The following ADORA2A variants were observed in gnomAD, a reference collection of about 807,000 sequenced individuals.
The protein encoded by ADORA2A is adenosine receptor A2a.
A neutral mutation model predicts 18.4 loss-of-function variants in ADORA2A; 11 were observed. The observed-to-expected ratio is 0.60, with a 90% CI of 0.38 to 0.99. ADORA2A has a LOEUF of 0.99. ADORA2A is among the 50% of genes least tolerant of loss of function. The pLI is 0.01. For synonymous variants in ADORA2A, 218 were observed against 237.3 expected (o/e 0.92, Z 0.75); for missense variants, 449 against 556.1 (o/e 0.81, Z 1.94).
chr22:24,425,922 G>C (rs2042914630), upstream of ADORA2A, among the ~76,000 whole-genome samples: 1 of 152,236 alleles, frequency 6.6e-6, no homozygotes, highest in South Asian at 2.1e-4. Context: ...GGGAGCAAGT[G>C]GGGGAAGGTT....
intron 2 of ADORA2A, 35 bp downstream of exon 2, chr22:24,433,771 T>G (rs201369603): frequency 1.4e-4 from 214 of 1,576,682 alleles, no homozygotes; most frequent in Non-Finnish European, 1.7e-4. Context: ...GTGCAAAGGC[T>G]GTTGGTGCCC....
At position 24,439,072 on chromosome 22, in the gene ADORA2A, C is replaced by CTT. The variant is rs3032740; in HGVS notation, c.333-1483_333-1482dup. 6.7e-3 allele frequency among the ~76,000 whole-genome samples: 492 copies of CTT among 73,064 alleles called. 79 individuals are homozygous for CTT. The highest frequency in any genetic ancestry group is 6.9e-3 in the Non-Finnish European group (258 of 37,262). 47.9% of individuals were successfully genotyped at this position (73,064 alleles called of 152,430 possible). On this transcript the variant is annotated intron_variant, in intron 2 of 2. Transcript: ENST00000337539. ...GTAGAGCACATCCTTCCCCTTGCAC[C>CTT]TTTTTTTTTTTTTTTTTTTTTTTTT...
intron 2 of ADORA2A, among the ~76,000 whole-genome samples, chr22:24,436,818 G>A (rs984628604): frequency 6.6e-6 from 1 of 152,164 alleles, no homozygotes; most frequent in African/African-American, 2.4e-5. Flanking sequence ...TCACTGGCAT[G>A]AGTGTGGGGG....
At position 24,441,595 on chromosome 22, in the gene ADORA2A, G is replaced by A; in HGVS notation, c.*106G>A. ...AGAGAGAGTGCCAGGAGACCCTGAG[G>A]GCAGCCGGTTCCTACTTTGGACTGA... On this transcript the variant is annotated 3_prime_UTR_variant, in exon 3 of 3. Transcript: ENST00000337539. The A allele has an allele frequency of 5.0e-6, 6 of 1,204,618 alleles. No homozygotes were observed. Among genetic ancestry groups the A allele is most frequent in the Non-Finnish European group, 6.6e-6 (6 of 914,662 alleles). 74.6% of individuals were successfully genotyped at this position (1,204,618 alleles called of 1,614,324 possible).
Position 24,440,914 on chromosome 22 carries a change from C to A in ADORA2A, c.664C>A (p.Arg222=). The A allele has an allele frequency of 6.2e-7, 1 of 1,614,166 alleles. No individual in the cohort carries two copies. Among genetic ancestry groups the A allele is most frequent in the African/African-American group, 1.3e-5 (1 of 75,020 alleles). The change falls in exon 3 of 3, where the codon CGG becomes AGG. Residue 222 remains arginine, a synonymous_variant. Transcript: ENST00000337539. The stretch of plus-strand genomic sequence containing the variant: ...CCAGCCTCTGCCGGGGGAGCGGGCA[C>A]GGTCCACACTGCAGAAGGAGGTCCA... ...ESQPLPGERA[R]STLQKEVHAA...
chr22:24,431,507 C>T (rs1231821453), intron 1 of ADORA2A: 2 of 456,702 alleles, frequency 4.4e-6, no homozygotes, highest in African/African-American at 4.0e-5. Context: ...GAACAGGGCT[C>T]AGGACCAGGA....
chr22:24,436,948 G>C (rs1474766037), intron 2 of ADORA2A, among the ~76,000 whole-genome samples: 1 of 152,132 alleles, frequency 6.6e-6, no homozygotes, highest in Non-Finnish European at 1.5e-5. Context: ...TGAACAGAGT[G>C]GGCAGGAAAG....
chr22:24,438,512 A>C (rs1027291126), intron 2 of ADORA2A: 1 of 152,096 alleles, frequency 6.6e-6, no homozygotes, highest in African/African-American at 2.4e-5. Flanking sequence ...GGCAATGCCA[A>C]CTCCCTGTTG....
intron 2 of ADORA2A, among the ~76,000 whole-genome samples, chr22:24,436,845 G>C (rs1372145428): frequency 2.0e-5 from 3 of 152,120 alleles, no homozygotes; most frequent in African/African-American, 4.8e-5. Flanking sequence ...TGTCAGGAGG[G>C]GGGCAAAGCC....
chr22:24,428,081 G>A (rs1443129560), intron 1 of ADORA2A, among the ~76,000 whole-genome samples: 2 of 152,234 alleles, frequency 1.3e-5, no homozygotes, highest in African/African-American at 2.4e-5. Context: ...CGGAGGTCAG[G>A]AGGGAAGTGG....
chr22:24,431,548 T>G (rs1432171670), intron 1 of ADORA2A: 1 of 455,392 alleles, frequency 2.2e-6, no homozygotes, highest in South Asian at 1.6e-5. Flanking sequence ...CCAGTCCTGC[T>G]CCATCCCTCA....
chr22:24,424,371 G>C (rs2042894293), upstream of ADORA2A: 1 of 151,766 alleles, frequency 6.6e-6, no homozygotes, highest in African/African-American at 2.4e-5. This position sits in a 1 kb window ranked among gnomAD's most constrained non-coding sequence, Gnocchi z 4.9. Flanking sequence ...GCGTCCGTCC[G>C]TCAGTCCGTC....
At chr22:24,425,341 C>CG (rs1390236465), upstream of ADORA2A, among the ~76,000 whole-genome samples, 2 of 110,038 alleles carry the variant, frequency 1.8e-5, no homozygotes, top group African/African-American at 7.7e-5. Context: ...GGCAGCACCC[C>CG]CCCCCCCCCC....
chr22:24,438,112 C>T (rs1408811050), intron 2 of ADORA2A, among the ~76,000 whole-genome samples: 1 of 152,270 alleles, frequency 6.6e-6, no homozygotes, highest in African/African-American at 2.4e-5. Flanking sequence ...GCCATCTCTC[C>T]TGTGAACAGC....
chr22:24,427,058 G>A (rs1601393805), upstream of ADORA2A, among the ~76,000 whole-genome samples: 2 of 152,292 alleles, frequency 1.3e-5, no homozygotes, highest in South Asian at 4.1e-4. Flanking sequence ...AGAGGCTGCC[G>A]GAGCTGGCCA....
Position 24,441,400 on chromosome 22 carries a change from G to A in ADORA2A, c.1150G>A (p.Glu384Lys), listed in dbSNP as rs1391229464. 6 of 1,560,478 alleles carry A rather than the reference G, an allele frequency of 3.8e-6. No homozygotes were observed. The highest frequency in any genetic ancestry group is 1.4e-5 in the African/African-American group (1 of 73,534). Residue 384 changes from glutamate (E) to lysine (K), a missense_variant, in exon 3 of 3, where the codon GAG (glutamate) becomes AAG (lysine). Coordinates refer to ENST00000337539, the MANE Select transcript of ADORA2A (RefSeq NM_000675.6). ...SQGNTGLPDVELLSHELKGVC... is the reference protein window; with the variant it reads ...SQGNTGLPDVKLLSHELKGVC... ...GGGGAACACGGGCCTCCCAGACGTGGAGCTCCTTAGCCATGAGCTCAAGGG... is the reference window on the plus strand; with the variant it reads ...GGGGAACACGGGCCTCCCAGACGTGAAGCTCCTTAGCCATGAGCTCAAGGG...
intron 1 of ADORA2A, chr22:24,431,748 G>A (rs2043042378): frequency 2.9e-6 from 1 of 348,678 alleles, no homozygotes; most frequent in Non-Finnish European, 5.7e-6. Flanking sequence ...ACGGGCAGAG[G>A]TCCATTTGGA....
At chr22:24,430,894 C>T (rs896274082) in intron 1 of ADORA2A, 3 of 356,104 alleles carry the variant, frequency 8.4e-6, no homozygotes, top group East Asian at 7.4e-5. Context: ...ACTGGACAGT[C>T]GCCTGTTGCT....
intron 2 of ADORA2A, among the ~76,000 whole-genome samples, chr22:24,437,649 C>T (rs1047587485): frequency 6.6e-6 from 1 of 152,258 alleles, no homozygotes; most frequent in East Asian, 1.9e-4. Context: ...CCCTCAGTTC[C>T]CTGCCTGCAA....
Sources: gnomAD v4.1 joint callset for allele counts (sites outside exome capture counted in the v4.1 genomes callset) on GRCh38, gnomAD v4.1.1 for gene constraint, Gnocchi (gnomAD v3.1) non-coding constraint, MANE v1.5 for transcripts, NCBI Gene and HGNC (gene_info 2026-07-23, HGNC 2026-07-21) for gene names.